Variants in PEX5L observed in about 807,000 individuals in gnomAD.
PEX5L encodes the protein PEX5-related protein.
In PEX5L, 30 loss-of-function variants were observed where a neutral mutation model predicts 84.0. The observed-to-expected ratio is 0.36, with a 90% CI of 0.27 to 0.48. The LOEUF (loss-of-function observed/expected upper bound fraction) is 0.48. Among genes scored for constraint, PEX5L ranks in the 20% least tolerant of loss-of-function variants. The pLI is 0.99. For synonymous variants in PEX5L, 270 were observed against 283.1 expected, an observed-to-expected ratio of 0.95 and a Z score of 0.46; for missense variants, 533 against 754.6, an observed-to-expected ratio of 0.71 and a Z score of 3.44.
chr3:179,983,251 GACT>G (rs1462457788), intron 1 of PEX5L, among the ~76,000 whole-genome samples: 2 of 151,624 alleles, frequency 1.3e-5, no homozygotes, highest in Non-Finnish European at 2.9e-5. Context: ...AATAAATTGC[GACT>G]ACCTTTTCAT....
At chr3:179,843,995 T>C (rs1156946512) in intron 8 of PEX5L, among the ~76,000 whole-genome samples, 1 of 152,204 alleles carries the variant, frequency 6.6e-6, no homozygotes, top group Non-Finnish European at 1.5e-5. Context: ...AGAAGTGGTG[T>C]CAACCAAAGT....
chr3:179,982,165 CATA>C (rs1786393100), intron 1 of PEX5L, among the ~76,000 whole-genome samples: 1 of 152,158 alleles, frequency 6.6e-6, no homozygotes, highest in African/African-American at 2.4e-5. Flanking sequence ...GACACTTGAT[CATA>C]ATGTTTATCC....
At chr3:179,839,111 G>A (rs1185852377) in intron 8 of PEX5L, among the ~76,000 whole-genome samples, 1 of 152,034 alleles carries the variant, frequency 6.6e-6, no homozygotes, top group Non-Finnish European at 1.5e-5. Context: ...GAGATGCAAT[G>A]TTACTGATTT....
chr3:180,031,858 A>G (rs1054360563), intron 1 of PEX5L, among the ~76,000 whole-genome samples: 2 of 152,196 alleles, frequency 1.3e-5, no homozygotes, highest in African/African-American at 4.8e-5. Context: ...TTGTGTTTTA[A>G]CCTTTTCTTA....
intron 2 of PEX5L, among the ~76,000 whole-genome samples, chr3:179,970,706 C>T (rs1200567096): frequency 6.6e-6 from 1 of 152,108 alleles, no homozygotes; most frequent in Non-Finnish European, 1.5e-5. Context: ...CTGAATGCAA[C>T]TGTTATGATG....
At chr3:179,922,342 A>C (rs1286029659) in intron 2 of PEX5L, among the ~76,000 whole-genome samples, 1 of 152,232 alleles carries the variant, frequency 6.6e-6, no homozygotes, top group Non-Finnish European at 1.5e-5. Flanking sequence ...AAGAGACAAC[A>C]GCAGGATGTA....
chr3:179,875,401 T>C lies in PEX5L; in HGVS notation c.582A>G (p.Ala194=), dbSNP rs1165651658. Residue 194 remains alanine (A), a synonymous_variant, in exon 6 of 15, where the codon GCA becomes GCG. Coordinates refer to ENST00000467460, the MANE Select transcript of PEX5L (RefSeq NM_016559.3). ...GDRNTKGHPM[A]ERKSSSSRTG... is the part of the protein sequence containing the mutation. ...TTCTAGATGAGGATGATTTTCTCTC[T>C]GCCATTGGATGTCCCTTGGTATTTC... 3.1e-6 allele frequency: 5 copies of C among 1,613,440 alleles called. No individual in the cohort carries two copies. Among genetic ancestry groups the C allele is most frequent in the African/African-American group, 1.3e-5 (1 of 75,036 alleles).
intron 2 of PEX5L, among the ~76,000 whole-genome samples, chr3:179,937,611 G>C (rs947084777): frequency 1.3e-5 from 2 of 152,128 alleles, no homozygotes; most frequent in African/African-American, 4.8e-5. Flanking sequence ...CCTAGGCTTT[G>C]GGGTTTCCCT....
At chr3:179,905,510 C>G (rs908855654) in intron 2 of PEX5L, among the ~76,000 whole-genome samples, 1 of 152,118 alleles carries the variant, frequency 6.6e-6, no homozygotes, top group Non-Finnish European at 1.5e-5. Context: ...CCGCCCGCCT[C>G]GACCTCCCAA....
intron 4 of PEX5L, among the ~76,000 whole-genome samples, chr3:179,883,296 C>T (rs969955979): frequency 3.3e-5 from 5 of 152,156 alleles, no homozygotes; most frequent in East Asian, 1.9e-4. Context: ...CAGAGGATGT[C>T]GCTGACTTCA....
chr3:179,808,434 A>G lies in PEX5L; in HGVS notation c.1356T>C (p.Ser452=). The change falls in exon 13 of 15, where the codon TCT becomes TCC. Residue 452 remains serine, a synonymous_variant. Coordinates refer to ENST00000467460, the MANE Select transcript of PEX5L (RefSeq NM_016559.3). The part of the protein sequence containing the change: ...RRMSKSPVDS[S]VLEGVKELYL... ...ATAATTCCTTCACCCCTTCCAGAAC[A>G]GAGCTACAAGAGAAAAAAAAAATTA... The G allele has an allele frequency of 1.4e-6, 2 of 1,467,412 alleles. No homozygotes were observed. Among genetic ancestry groups the G allele is most frequent in the Non-Finnish European group, 1.8e-6 (2 of 1,105,960 alleles). 90.9% of individuals were successfully genotyped at this position (1,467,412 alleles called of 1,614,324 possible). A position where few individuals can be genotyped will look rare whatever the true frequency, so the allele number is the denominator to read the frequency against.
chr3:179,892,120 G>A (rs1757803203), intron 3 of PEX5L, among the ~76,000 whole-genome samples: 1 of 152,026 alleles, frequency 6.6e-6, no homozygotes, highest in South Asian at 2.1e-4. Context: ...TTGCAATTTT[G>A]GTCTAGTCAG....
chr3:179,942,771 T>C (rs1160619096), intron 2 of PEX5L, among the ~76,000 whole-genome samples: 5 of 152,188 alleles, frequency 3.3e-5, no homozygotes, highest in East Asian at 1.9e-4. Context: ...GGAGTTAGCA[T>C]GTGTGGTGAC....
chr3:179,892,069 C>T (rs899292179), intron 3 of PEX5L, among the ~76,000 whole-genome samples: 1 of 151,900 alleles, frequency 6.6e-6, no homozygotes, highest in African/African-American at 2.4e-5. Context: ...AAAAAGTAAC[C>T]CAAAGGTTTC....
At chr3:179,910,371 G>C (rs1764738412) in intron 2 of PEX5L, among the ~76,000 whole-genome samples, 1 of 152,144 alleles carries the variant, frequency 6.6e-6, no homozygotes, top group African/African-American at 2.4e-5. Flanking sequence ...TTGTGAAAAA[G>C]CAAATTTCTT....
Position 179,807,642 on chromosome 3 carries a change from G to A in PEX5L, c.1676+32C>T, listed in dbSNP as rs746404673. 83 of 1,602,972 alleles carry A rather than the reference G, an allele frequency of 5.2e-5. No homozygotes were observed. The East Asian group carries it at 1.7e-3, about 34-fold the overall frequency. On this transcript the variant is annotated intron_variant, in intron 14 of 14. Coordinates refer to ENST00000467460, the MANE Select transcript of PEX5L (RefSeq NM_016559.3). ...TTATTCGACCTCAGTCCTGGGCATG[G>A]CCTTCATCCTTGGCCTGTTGCTGTA...
At chr3:179,914,532 G>A (rs1308461587) in intron 2 of PEX5L, among the ~76,000 whole-genome samples, 3 of 152,118 alleles carry the variant, frequency 2.0e-5, no homozygotes, top group African/African-American at 7.2e-5. Context: ...TCTGTTTTGT[G>A]TTGCCACAGT....
At chr3:179,862,153 G>A (rs1247938414) in intron 7 of PEX5L, among the ~76,000 whole-genome samples, 7 of 152,120 alleles carry the variant, frequency 4.6e-5, no homozygotes, top group Admixed American at 2.0e-4. Flanking sequence ...TTATGACTGC[G>A]TCACTCCATG....
intron 1 of PEX5L, among the ~76,000 whole-genome samples, chr3:179,991,907 C>T (rs1561031600): frequency 6.6e-6 from 1 of 152,032 alleles, no homozygotes; most frequent in African/African-American, 2.4e-5. Context: ...TTATTTGATA[C>T]AAAAAAATCA....
Sources: allele counts gnomAD v4.1 joint callset (sites outside exome capture counted in the v4.1 genomes callset), GRCh38; gene constraint gnomAD v4.1.1; transcripts MANE v1.5; gene names NCBI Gene and HGNC (gene_info 2026-07-23, HGNC 2026-07-21).